The following AK5 variants were observed in gnomAD, a reference collection of about 807,000 sequenced individuals.
The protein encoded by AK5 is adenylate kinase 5, also known as adenylate kinase isoenzyme 5.
AK5 carries 27 observed loss-of-function variants against 69.5 expected under a neutral mutation model. The observed-to-expected ratio is 0.39, with a 90% CI of 0.29 to 0.54. AK5 has a LOEUF of 0.54. Ranked by LOEUF, AK5 falls within the 20% of genes least tolerant of loss-of-function variation. AK5 has a pLI of 0.71. For missense variants in AK5, 531 were observed against 700.4 expected (o/e 0.76, Z 2.73); for synonymous variants, 260 against 244.4 (o/e 1.06, Z -0.60).
At chr1:77,460,650 T>A (rs547770391) in intron 8 of AK5, among the ~76,000 whole-genome samples, 329 of 152,282 alleles carry the variant, frequency 2.2e-3, no homozygotes, top group African/African-American at 7.6e-3. Flanking sequence ...TGGCTGAACA[T>A]GGAGGACATG....
At chr1:77,468,113 G>A (rs552632190) in intron 8 of AK5, among the ~76,000 whole-genome samples, 5 of 152,354 alleles carry the variant, frequency 3.3e-5, no homozygotes, top group African/African-American at 1.2e-4. Flanking sequence ...TATAAATGGA[G>A]GCATGTTTAT....
intron 8 of AK5, among the ~76,000 whole-genome samples, chr1:77,425,680 A>C (rs1338083606): frequency 6.6e-6 from 1 of 152,184 alleles, no homozygotes; most frequent in East Asian, 1.9e-4. Flanking sequence ...AGTGAAGATA[A>C]AATAAAGAAA....
intron 2 of AK5, among the ~76,000 whole-genome samples, chr1:77,287,508 T>C (rs1488518054): frequency 6.6e-6 from 1 of 152,244 alleles, no homozygotes; most frequent in Admixed American, 6.5e-5. Flanking sequence ...TTTTATTAGC[T>C]AGAAAGAGAT....
chr1:77,490,143 T>C (rs937307148), intron 10 of AK5, among the ~76,000 whole-genome samples: 1 of 152,184 alleles, frequency 6.6e-6, no homozygotes, highest in Non-Finnish European at 1.5e-5. Flanking sequence ...AAAATTGCAA[T>C]TGGAATTCCT....
chr1:77,418,561 CAGA>C lies in AK5; in HGVS notation c.1059+851_1059+853del, dbSNP rs556478258. Reference sequence around the variant, plus strand: ...TTTATCTGGGTCATTTTCCTCTCAGCAGAAGAACTCTCTCTGCTGCTATATTTT... The same window carrying C: ...TTTATCTGGGTCATTTTCCTCTCAGCAGAACTCTCTCTGCTGCTATATTTT... On this transcript the variant is annotated intron_variant, in intron 8 of 13. Coordinates refer to ENST00000354567, the MANE Select transcript of AK5 (RefSeq NM_174858.3). Among the ~76,000 whole-genome samples the C allele has an allele frequency of 4.7e-4, 71 of 152,322 alleles. No individual in the cohort carries two copies. The South Asian group carries it at 5.6e-3, about 12-fold the overall frequency.
chr1:77,397,477 CATT>C (rs1195396633), intron 6 of AK5, among the ~76,000 whole-genome samples: 1 of 152,220 alleles, frequency 6.6e-6, no homozygotes, highest in Non-Finnish European at 1.5e-5. Flanking sequence ...CAGGGGGAAA[CATT>C]AGCACAATTT....
chr1:77,356,262 A>G (rs1256637591), intron 6 of AK5, among the ~76,000 whole-genome samples: 1 of 152,228 alleles, frequency 6.6e-6, no homozygotes, highest in Non-Finnish European at 1.5e-5. Context: ...ATTCTTTACT[A>G]TTGTATCTCA....
intron 9 of AK5, 88 bp from the exon 10 acceptor site, chr1:77,486,220 A>G (rs1446726602): frequency 1.1e-5 from 9 of 835,106 alleles, no homozygotes; most frequent in South Asian, 9.3e-5. Flanking sequence ...ATAAAACTAC[A>G]AGGTTTGGGT....
At chr1:77,375,900 T>TC (rs1647219137) in intron 6 of AK5, among the ~76,000 whole-genome samples, 1 of 151,918 alleles carries the variant, frequency 6.6e-6, no homozygotes, top group Non-Finnish European at 1.5e-5. Flanking sequence ...ACCCCTGTTT[T>TC]CTCATCTGTG....
At chr1:77,348,723 T>A (rs7517051) in intron 6 of AK5, among the ~76,000 whole-genome samples, 48,264 of 151,786 alleles carry the variant, frequency 0.32, 7,845 homozygotes, top group Middle Eastern at 0.37. Flanking sequence ...ACCCTGCAGG[T>A]TCTATATGTA....
intron 6 of AK5, among the ~76,000 whole-genome samples, chr1:77,376,462 A>AAAAAAAAAAG (rs1647259132): frequency 7.4e-6 from 1 of 135,612 alleles, no homozygotes. Context: ...AAAAAAAAAA[A>AAAAAAAAAAG]ACATGTCTTA....
chr1:77,511,184 G>A (rs1160518194), intron 10 of AK5, among the ~76,000 whole-genome samples: 1 of 152,016 alleles, frequency 6.6e-6, no homozygotes, highest in Non-Finnish European at 1.5e-5. Flanking sequence ...ATCACCAACA[G>A]TAACTGCCTC....
At chr1:77,407,923 G>T (rs145380874) in intron 6 of AK5, among the ~76,000 whole-genome samples, 1 of 152,134 alleles carries the variant, frequency 6.6e-6, no homozygotes, top group African/African-American at 2.4e-5. Context: ...TAGCATAATG[G>T]CTTCCAGATG....
chr1:77,386,407 G>T (rs555858970), intron 6 of AK5, among the ~76,000 whole-genome samples: 3 of 152,252 alleles, frequency 2.0e-5, no homozygotes, highest in African/African-American at 7.2e-5. Flanking sequence ...GTGTTTAAAA[G>T]AACCTTGTGA....
chr1:77,544,602 G>A (rs1390274701), intron 13 of AK5, among the ~76,000 whole-genome samples: 6 of 150,942 alleles, frequency 4.0e-5, no homozygotes, highest in Non-Finnish European at 7.4e-5. Context: ...CATTCGCCTA[G>A]GCCTGCCTAC....
rs1453015563 is a variant in AK5 at position 77,480,540 on chromosome 1, T to C, written c.1060-2777T>C. Among the ~76,000 whole-genome samples, 50 of 149,170 alleles carry C rather than the reference T, an allele frequency of 3.4e-4. 1 individual carries two copies. The highest frequency in any genetic ancestry group is 3.3e-3 in the Admixed American group (50 of 14,996). ...AGACTCCCCAAACATGATAGCCATG[T>C]AGAAGAAAGATCTAATACAGCCTAG... On this transcript the variant is annotated intron_variant, in intron 8 of 13. Transcript: ENST00000354567.
At chr1:77,293,565 C>T in intron 2 of AK5, 1 of 373,350 alleles carries the variant, frequency 2.7e-6, no homozygotes, top group African/African-American at 2.1e-5. Flanking sequence ...TGACCACTTT[C>T]ATACTACCAT....
chr1:77,532,846 A>G (rs945808106), intron 12 of AK5, among the ~76,000 whole-genome samples: 1 of 152,212 alleles, frequency 6.6e-6, no homozygotes, highest in Non-Finnish European at 1.5e-5. Context: ...TGATTCATTC[A>G]GCCAAGGGCA....
chr1:77,470,844 TATATATATATATA>T lies in AK5; in HGVS notation c.1060-12472_1060-12460del, dbSNP rs1654421312. On this transcript the variant is annotated intron_variant, in intron 8 of 13. Transcript: ENST00000354567. Reference sequence around the variant, plus strand: ...CATTTAGAATATATATATATATATATATATATATATATATATATATATATATATATATTTTTTT... The same window carrying T: ...CATTTAGAATATATATATATATATATTATATATATATATATATATTTTTTT... Among the ~76,000 whole-genome samples, 4 of 3,900 alleles carry T rather than the reference TATATATATATATA, an allele frequency of 1.0e-3. 1 individual carries two copies. The highest frequency in any genetic ancestry group is 7.9e-4 in the Non-Finnish European group (2 of 2,534). The allele number at this position is 3,900 out of a possible 152,430, so 2.6% of individuals were successfully genotyped here. A position where few individuals can be genotyped will look rare whatever the true frequency, so the allele number is the denominator to read the frequency against.
Sources: gnomAD v4.1 joint callset for allele counts (sites outside exome capture counted in the v4.1 genomes callset) on GRCh38, gnomAD v4.1.1 for gene constraint, MANE v1.5 for transcripts, NCBI Gene and HGNC (gene_info 2026-07-23, HGNC 2026-07-21) for gene names.